Variants in MIR2052HG observed in about 807,000 individuals in gnomAD.
MIR2052HG encodes the protein MIR2052 host gene.
chr8:74,630,499 A>G (rs1808494099), intron 2 of MIR2052HG, among the ~76,000 whole-genome samples: 1 of 150,914 alleles, frequency 6.6e-6, no homozygotes, highest in Admixed American at 6.6e-5. Context: ...ATCTTCAGAA[A>G]AAGGACAAAA....
At chr8:74,756,537 G>A (rs1347468044) in intron 5 of MIR2052HG, 2 of 152,134 alleles carry the variant, frequency 1.3e-5, no homozygotes, top group East Asian at 1.9e-4. Context: ...CTGTGAAATA[G>A]GTATTTTTCA....
chr8:74,599,965 A>T (rs1210991021), intron 1 of MIR2052HG: 1 of 157,556 alleles, frequency 6.3e-6, no homozygotes, highest in African/African-American at 2.4e-5. Flanking sequence ...AAAGCGCAGT[A>T]TTCGGGTGGG....
rs151040641 is a variant in MIR2052HG, at chr8:74,697,952, A to G, written n.217-4427A>G. On this transcript the variant is annotated intron_variant and non_coding_transcript_variant, in intron 2 of 6. Coordinates refer to ENST00000523442, the Ensembl canonical transcript of MIR2052HG. ...CTGCCAAAAGCAATCTACAAATTCA[A>G]TGCAATTCCAATCAAAATACCACGA... Among the ~76,000 whole-genome samples the G allele has an allele frequency of 6.0e-3, 912 of 152,298 alleles. 11 individuals carry two copies. Among genetic ancestry groups the G allele is most frequent in the African/African-American group, 0.02 (839 of 41,574 alleles).
At chr8:74,670,380 T>C (rs1438494163) in intron 2 of MIR2052HG, among the ~76,000 whole-genome samples, 6 of 152,176 alleles carry the variant, frequency 3.9e-5, no homozygotes, top group Non-Finnish European at 8.8e-5. Flanking sequence ...TTTCCGGTAA[T>C]ATGGCAGGCT....
At chr8:74,721,809 A>G (rs1454512258) in intron 4 of MIR2052HG, among the ~76,000 whole-genome samples, 1 of 152,230 alleles carries the variant, frequency 6.6e-6, no homozygotes, top group Non-Finnish European at 1.5e-5. Flanking sequence ...TAATGGGAAT[A>G]GTGACACAGA....
intron 1 of MIR2052HG, among the ~76,000 whole-genome samples, chr8:74,610,668 A>C (rs1808181525): frequency 6.6e-6 from 1 of 152,036 alleles, no homozygotes; most frequent in African/African-American, 2.4e-5. Flanking sequence ...ATGAGTTCAG[A>C]AATATACTCA....
chr8:74,609,111 T>G (rs1417344174), intron 1 of MIR2052HG, among the ~76,000 whole-genome samples: 2 of 152,100 alleles, frequency 1.3e-5, no homozygotes, highest in East Asian at 3.9e-4. Flanking sequence ...GAATAAGATA[T>G]GTGACATCAC....
At chr8:74,746,010 A>T (rs1809881789) in intron 4 of MIR2052HG, among the ~76,000 whole-genome samples, 1 of 152,172 alleles carries the variant, frequency 6.6e-6, no homozygotes, top group Admixed American at 6.5e-5. Context: ...TCACACAGGT[A>T]GTTAGAGGGG....
At chr8:74,665,260 A>G (rs1162520718) in intron 2 of MIR2052HG, among the ~76,000 whole-genome samples, 1 of 152,204 alleles carries the variant, frequency 6.6e-6, no homozygotes, top group Non-Finnish European at 1.5e-5. Flanking sequence ...TAACAACAGC[A>G]AACAGCAACA....
At chr8:74,661,420 C>T (rs181068784) in intron 2 of MIR2052HG, among the ~76,000 whole-genome samples, 1 of 152,152 alleles carries the variant, frequency 6.6e-6, no homozygotes, top group Non-Finnish European at 1.5e-5. Context: ...CCAGGCTGGT[C>T]TTGAACTCCT....
intron 2 of MIR2052HG, among the ~76,000 whole-genome samples, chr8:74,674,279 T>C (rs1809027425): frequency 2.0e-5 from 3 of 151,684 alleles, no homozygotes; most frequent in African/African-American, 7.3e-5. Flanking sequence ...TCTCATGGTG[T>C]CAGTGGTAGA....
Position 74,746,111 on chromosome 8 carries a change from C to T in MIR2052HG, n.372-6330C>T, listed in dbSNP as rs559521376. On this transcript the variant is annotated intron_variant and non_coding_transcript_variant, in intron 4 of 6. Coordinates refer to ENST00000523442, the Ensembl canonical transcript of MIR2052HG. ...AAAGTGGTTTGATTCTTGACTCTTCCACAGACTTGAGGTCAATGAGATAGA... is the reference window on the plus strand; with the variant it reads ...AAAGTGGTTTGATTCTTGACTCTTCTACAGACTTGAGGTCAATGAGATAGA... Among the ~76,000 whole-genome samples, 5 of 152,216 alleles carry T rather than the reference C, an allele frequency of 3.3e-5. No individual in the cohort carries two copies. In the South Asian group the frequency reaches 8.3e-4, roughly 25 times the overall value.
intron 2 of MIR2052HG, among the ~76,000 whole-genome samples, chr8:74,672,656 A>G (rs923500907): frequency 2.6e-5 from 4 of 152,056 alleles, no homozygotes; most frequent in African/African-American, 9.7e-5. Flanking sequence ...ACTGTTCCCA[A>G]ATTTGCAAGT....
chr8:74,622,424 C>T (rs1475703741), intron 2 of MIR2052HG, among the ~76,000 whole-genome samples: 1 of 151,940 alleles, frequency 6.6e-6, no homozygotes, highest in Non-Finnish European at 1.5e-5. Flanking sequence ...GCCAACATGG[C>T]AAAACCCTGT....
chr8:74,604,780 G>A (rs1409850601), intron 1 of MIR2052HG, among the ~76,000 whole-genome samples: 1 of 151,742 alleles, frequency 6.6e-6, no homozygotes, highest in African/African-American at 2.4e-5. Context: ...TTTTAGTAGA[G>A]ACGAGGTTTC....
intron 4 of MIR2052HG, among the ~76,000 whole-genome samples, chr8:74,743,524 AAC>A (rs1809853085): frequency 6.6e-6 from 1 of 152,210 alleles, no homozygotes; most frequent in Non-Finnish European, 1.5e-5. Context: ...TCTTTCATAA[AAC>A]ACAAAATCTC....
At chr8:74,639,835 C>G (rs928695157) in intron 2 of MIR2052HG, among the ~76,000 whole-genome samples, 1 of 151,936 alleles carries the variant, frequency 6.6e-6, no homozygotes, top group Non-Finnish European at 1.5e-5. Flanking sequence ...ATCAAAGTCC[C>G]CAGTAAGCAA....
intron 2 of MIR2052HG, among the ~76,000 whole-genome samples, chr8:74,675,215 TA>T (rs896972395): frequency 1.3e-5 from 2 of 151,948 alleles, no homozygotes; most frequent in African/African-American, 4.8e-5. Flanking sequence ...TGGTAAGTAT[TA>T]TTGGCCCTTC....
intron 2 of MIR2052HG, among the ~76,000 whole-genome samples, chr8:74,683,414 A>G (rs1216863983): frequency 6.6e-6 from 1 of 152,140 alleles, no homozygotes; most frequent in Non-Finnish European, 1.5e-5. Flanking sequence ...TGTAAACTAT[A>G]TAATACAGAT....
Sources: gnomAD v4.1 joint callset for allele counts (sites outside exome capture counted in the v4.1 genomes callset) on GRCh38, gnomAD v4.1.1 for gene constraint, MANE v1.5 for transcripts, NCBI Gene and HGNC (gene_info 2026-07-23, HGNC 2026-07-21) for gene names.